ABCC6: variants seen among roughly 807,000 people sequenced by gnomAD.
ABCC6 encodes the protein ATP binding cassette subfamily C member 6.
A neutral mutation model predicts 169.5 loss-of-function variants in ABCC6; 126 were observed. That is an observed-to-expected ratio of 0.74 (90% CI 0.64 to 0.86). The LOEUF (loss-of-function observed/expected upper bound fraction) is 0.86, where lower values mean the gene tolerates loss of function less well. Ranked by LOEUF, ABCC6 falls within the 40% of genes least tolerant of loss-of-function variation. The pLI is 0.00. For synonymous variants in ABCC6, 752 were observed against 814.7 expected, an observed-to-expected ratio of 0.92 and a Z score of 1.31; for missense variants, 1,733 against 1,927.2, an observed-to-expected ratio of 0.90 and a Z score of 1.89.
chr16:16,214,269 G>A (rs1596756880), intron 5 of ABCC6, 55 bp downstream of exon 5: 1 of 1,546,164 alleles, frequency 6.5e-7, no homozygotes, highest in Middle Eastern at 1.7e-4. Context: ...GGTCACCTGG[G>A]GGAGACTGAG....
intron 4 of ABCC6, among the ~76,000 whole-genome samples, chr16:16,216,575 G>T (rs879238881): frequency 1.3e-5 from 2 of 152,184 alleles, no homozygotes; most frequent in Admixed American, 6.5e-5. Flanking sequence ...TTATCAGTTC[G>T]TCTGTTGATG....
chr16:16,188,279 C>A (rs2152267901), intron 13 of ABCC6, among the ~76,000 whole-genome samples: 1 of 151,278 alleles, frequency 6.6e-6, no homozygotes, highest in Admixed American at 6.6e-5. Flanking sequence ...GTGGTCCCAG[C>A]TACTTGGCAG....
At chr16:16,214,175 A>G in intron 5 of ABCC6, 149 bp downstream of exon 5, 2 of 1,443,832 alleles carry the variant, frequency 1.4e-6, no homozygotes, top group Non-Finnish European at 1.9e-6. Flanking sequence ...CCATATAGAA[A>G]AAGTCTGCCA....
chr16:16,152,061 G>C (rs985890261), intron 29 of ABCC6, among the ~76,000 whole-genome samples: 3 of 151,714 alleles, frequency 2.0e-5, no homozygotes, highest in Non-Finnish European at 2.9e-5. Context: ...GCGTGGTGGC[G>C]GGCGCTTGTA....
At chr16:16,153,012 T>C in intron 29 of ABCC6, among the ~76,000 whole-genome samples, 1 of 152,092 alleles carries the variant, frequency 6.6e-6, no homozygotes, top group East Asian at 1.9e-4. Context: ...TTCTCCTGTC[T>C]CAGTGTCTTA....
intron 10 of ABCC6, 120 bp from the exon 11 acceptor site, chr16:16,193,042 G>A (rs1329901784): frequency 5.0e-6 from 4 of 802,288 alleles, no homozygotes; most frequent in Non-Finnish European, 8.3e-6. Flanking sequence ...AGACCTACTG[G>A]GCTGCATTCC....
At chr16:16,197,420 A>G (rs1443977255) in intron 10 of ABCC6, among the ~76,000 whole-genome samples, 1 of 150,460 alleles carries the variant, frequency 6.6e-6, no homozygotes, top group Non-Finnish European at 1.5e-5. Flanking sequence ...GAGGAGAAGG[A>G]GGAGATGGGG....
chr16:16,195,624 G>T (rs759978376), intron 10 of ABCC6, among the ~76,000 whole-genome samples: 3 of 152,004 alleles, frequency 2.0e-5, no homozygotes, highest in Non-Finnish European at 2.9e-5. Flanking sequence ...GGTCTCATCT[G>T]ATTTTTAGCA....
At chr16:16,173,704 T>C (rs1269568996) in intron 20 of ABCC6, among the ~76,000 whole-genome samples, 1 of 151,792 alleles carries the variant, frequency 6.6e-6, no homozygotes, top group Non-Finnish European at 1.5e-5. Context: ...TTCTTTTTTT[T>C]TTTTTTTTGA....
intron 29 of ABCC6, among the ~76,000 whole-genome samples, chr16:16,153,551 G>C (rs540202187): frequency 1.5e-4 from 23 of 152,154 alleles, no homozygotes; most frequent in African/African-American, 5.3e-4. Context: ...GGAGAGTTAG[G>C]GTTTCATGGG....
At chr16:16,205,885 T>C (rs896166727) in intron 7 of ABCC6, among the ~76,000 whole-genome samples, 2 of 151,930 alleles carry the variant, frequency 1.3e-5, no homozygotes, top group African/African-American at 4.8e-5. Context: ...AAGGGCCTAA[T>C]AAGAGTGCCC....
chr16:16,182,279 T>C, intron 17 of ABCC6, 133 bp downstream of exon 17: 5 of 1,149,354 alleles, frequency 4.4e-6, no homozygotes, highest in Admixed American at 3.5e-5. Context: ...GACGCTGAGC[T>C]GAGCCCTTTT....
intron 24 of ABCC6, 106 bp downstream of exon 24, chr16:16,162,887 T>A: frequency 1.4e-6 from 2 of 1,429,134 alleles, no homozygotes; most frequent in Non-Finnish European, 9.8e-7. Context: ...CTCAACTATG[T>A]CCCTGACTCT....
chr16:16,223,144 C>G, intron 1 of ABCC6: 1 of 613,014 alleles, frequency 1.6e-6, no homozygotes, highest in Non-Finnish European at 2.9e-6. Context: ...GGGGGACCCA[C>G]TAGCTTTATG....
At chr16:16,184,524 C>T (rs2047584692) in intron 15 of ABCC6, among the ~76,000 whole-genome samples, 1 of 152,168 alleles carries the variant, frequency 6.6e-6, no homozygotes, top group Non-Finnish European at 1.5e-5. Context: ...AGTTTCAGGG[C>T]TGTCTGAGAT....
intron 15 of ABCC6, 95 bp from the exon 16 acceptor site, chr16:16,183,025 C>G: frequency 6.3e-7 from 1 of 1,595,154 alleles, no homozygotes; most frequent in Non-Finnish European, 8.6e-7. Context: ...CTTTCCTGCT[C>G]TGGGAGTCTC....
At chr16:16,155,826 T>C (rs1406275714) in intron 27 of ABCC6, 1 of 152,304 alleles carries the variant, frequency 6.6e-6, no homozygotes, top group Non-Finnish European at 1.5e-5. Flanking sequence ...AATTAAAGAG[T>C]CCTTGCTCCA....
rs76779147 is a variant in ABCC6 at position 16,153,175 on chromosome 16, G to A, written c.4208+1453C>T. Among the ~76,000 whole-genome samples, 141 of 152,240 alleles carry A rather than the reference G, an allele frequency of 9.3e-4. 2 individuals carry two copies. The East Asian group carries it at 0.022, about 24-fold the overall frequency. ...CCGCCTCGGCCTCCCATAGTGCTAGGATTACAGGCATGAGCCACCGCGCCC... is the reference window on the plus strand; with the variant it reads ...CCGCCTCGGCCTCCCATAGTGCTAGAATTACAGGCATGAGCCACCGCGCCC... On this transcript the variant is annotated intron_variant, in intron 29 of 30. Transcript: ENST00000205557.
In ABCC6 at chr16:16,210,831, T is replaced by G. The variant is rs534000613; in HGVS notation, c.662+1354A>C. On this transcript the variant is annotated intron_variant, in intron 6 of 30. Transcript: ENST00000205557. ...CATTTAGGCCGGGTGCGGTGGCTTATGCCTGTAATCCCAGCACTTTGGGAG... is the reference window on the plus strand; with the variant it reads ...CATTTAGGCCGGGTGCGGTGGCTTAGGCCTGTAATCCCAGCACTTTGGGAG... Among the ~76,000 whole-genome samples the G allele has an allele frequency of 2.6e-5, 4 of 152,260 alleles. No homozygotes were observed. In the East Asian group the frequency reaches 7.7e-4, roughly 29 times the overall value.
Sources: gnomAD v4.1 joint callset for allele counts (sites outside exome capture counted in the v4.1 genomes callset) on GRCh38, gnomAD v4.1.1 for gene constraint, MANE v1.5 for transcripts, NCBI Gene and HGNC (gene_info 2026-07-23, HGNC 2026-07-21) for gene names.